The following DCC variants were observed in gnomAD, a reference collection of about 807,000 sequenced individuals.
The protein encoded by DCC is DCC netrin 1 receptor.
DCC carries 58 observed loss-of-function variants against 172.5 expected under a neutral mutation model. That is an observed-to-expected ratio of 0.34 (90% confidence interval 0.27 to 0.42). The LOEUF is 0.42. Ranked by LOEUF, DCC falls within the 10% of genes least tolerant of loss-of-function variation. DCC has a pLI of 1.00. For synonymous variants in DCC, 709 were observed against 644.5 expected (o/e 1.10, Z -1.52); for missense variants, 1,740 against 1,791.0 (o/e 0.97, Z 0.51).
intron 2 of DCC, among the ~76,000 whole-genome samples, chr18:52,835,538 TATATC>T (rs1194906928): frequency 6.6e-6 from 1 of 152,204 alleles, no homozygotes; most frequent in Non-Finnish European, 1.5e-5. Flanking sequence ...TGATTTTTGT[TATATC>T]ATACGATCCT....
At chr18:52,943,911 G>A (rs912946010) in intron 5 of DCC, among the ~76,000 whole-genome samples, 7 of 152,008 alleles carry the variant, frequency 4.6e-5, no homozygotes, top group African/African-American at 1.7e-4. Context: ...CACGACAACC[G>A]GCTAACGACT....
intron 2 of DCC, among the ~76,000 whole-genome samples, chr18:52,866,665 A>G (rs2039233543): frequency 6.6e-6 from 1 of 152,128 alleles, no homozygotes; most frequent in Non-Finnish European, 1.5e-5. Context: ...ATGAGAGTTC[A>G]CTCATGATTT....
At chr18:53,114,483 T>C (rs981113956) in intron 7 of DCC, among the ~76,000 whole-genome samples, 9 of 151,614 alleles carry the variant, frequency 5.9e-5, no homozygotes, top group African/African-American at 2.2e-4. Flanking sequence ...TTTTCTTTCA[T>C]GTTAGCTTCA....
At chr18:53,389,039 C>T (rs981050295) in intron 16 of DCC, among the ~76,000 whole-genome samples, 1 of 152,144 alleles carries the variant, frequency 6.6e-6, no homozygotes, top group African/African-American at 2.4e-5. Context: ...CTGCCTCAGC[C>T]TTCCAAAATG....
intron 14 of DCC, among the ~76,000 whole-genome samples, chr18:53,325,171 A>C (rs1021832883): frequency 3.4e-5 from 5 of 145,008 alleles, no homozygotes; most frequent in Non-Finnish European, 6.0e-5. Context: ...CCAGCCTGTG[A>C]GACAGAGCAA....
At chr18:52,936,679 C>G (rs189152110) in intron 5 of DCC, among the ~76,000 whole-genome samples, 11 of 149,498 alleles carry the variant, frequency 7.4e-5, no homozygotes, top group Non-Finnish European at 1.5e-5. Context: ...CTGTGGCTCA[C>G]AAGGAGGAGA....
chr18:53,426,444 A>T (rs1276333295), intron 21 of DCC, among the ~76,000 whole-genome samples: 1 of 139,152 alleles, frequency 7.2e-6, no homozygotes, highest in Admixed American at 7.6e-5. Flanking sequence ...TATTATTTAT[A>T]TATTTATGTA....
At chr18:52,668,070 G>C (rs1663376922) in intron 1 of DCC, among the ~76,000 whole-genome samples, 1 of 149,724 alleles carries the variant, frequency 6.7e-6, no homozygotes, top group African/African-American at 2.4e-5. Flanking sequence ...AAAAAAAACA[G>C]TGAGTCTGTC....
chr18:52,728,992 C>A (rs1346088896), intron 1 of DCC, among the ~76,000 whole-genome samples: 1 of 152,184 alleles, frequency 6.6e-6, no homozygotes, highest in Non-Finnish European at 1.5e-5. Context: ...TAAGACCGGG[C>A]TCCCTACAGG....
At chr18:52,831,845 T>A (rs1013983904) in intron 2 of DCC, among the ~76,000 whole-genome samples, 1 of 152,066 alleles carries the variant, frequency 6.6e-6, no homozygotes, top group African/African-American at 2.4e-5. Context: ...TGTGTTAGGA[T>A]TATGGTTTAC....
intron 5 of DCC, among the ~76,000 whole-genome samples, chr18:52,939,389 CA>C (rs1391480666): frequency 3.7e-5 from 5 of 134,444 alleles, no homozygotes; most frequent in African/African-American, 1.0e-4. Context: ...TAACTTATCA[CA>C]GTCTGTTATT....
At chr18:53,246,791 C>A (rs1036539823) in intron 12 of DCC, among the ~76,000 whole-genome samples, 1 of 151,936 alleles carries the variant, frequency 6.6e-6, no homozygotes, top group African/African-American at 2.4e-5. Context: ...AGTAGAATAG[C>A]CGAATTAGTT....
At chr18:52,774,735 G>C (rs2037399298) in intron 2 of DCC, among the ~76,000 whole-genome samples, 1 of 148,196 alleles carries the variant, frequency 6.7e-6, no homozygotes, top group African/African-American at 2.5e-5. Flanking sequence ...ATGGCTGCTG[G>C]ACTAGCCTTT....
intron 12 of DCC, among the ~76,000 whole-genome samples, chr18:53,304,157 G>A (rs754988544): frequency 6.6e-6 from 1 of 152,078 alleles, no homozygotes; most frequent in African/African-American, 2.4e-5. Flanking sequence ...GTTAATATGG[G>A]TACAGGATAG....
At chr18:52,456,991 T>G (rs1026077236) in intron 1 of DCC, among the ~76,000 whole-genome samples, 5 of 152,278 alleles carry the variant, frequency 3.3e-5, no homozygotes, top group African/African-American at 1.2e-4. Flanking sequence ...TGGTTTGTAT[T>G]GAAGTGAATA....
intron 3 of DCC, among the ~76,000 whole-genome samples, chr18:52,917,116 C>CAAAAAAAAAAAAAAAA (rs36010390): frequency 1.2e-5 from 1 of 82,422 alleles, no homozygotes; most frequent in Non-Finnish European, 2.2e-5. Flanking sequence ...AACCCCGTCT[C>CAAAAAAAAAAAAAAAA]AAAAAAAAAA....
At chr18:53,472,792 A>G (rs1427190995) in intron 25 of DCC, among the ~76,000 whole-genome samples, 1 of 152,152 alleles carries the variant, frequency 6.6e-6, no homozygotes, top group African/African-American at 2.4e-5. Flanking sequence ...CAAGTTAAAC[A>G]TGGCATCCCA....
chr18:52,868,053 A>ATATG (rs61579666), intron 2 of DCC, among the ~76,000 whole-genome samples: 7,634 of 144,118 alleles, frequency 0.053, 363 homozygotes, highest in African/African-American at 0.14. Context: ...ATATATATAT[A>ATATG]TGTGTGTGTG....
chr18:53,312,201 GGT>G, intron 13 of DCC, among the ~76,000 whole-genome samples: 1 of 36,318 alleles, frequency 2.8e-5, no homozygotes. Flanking sequence ...AGCCTGGTGT[GGT>G]GGTGGCGGGC....
Sources: allele counts gnomAD v4.1 joint callset (sites outside exome capture counted in the v4.1 genomes callset), GRCh38; gene constraint gnomAD v4.1.1; transcripts MANE v1.5; gene names NCBI Gene and HGNC (gene_info 2026-07-23, HGNC 2026-07-21).